PDCD11: variants seen among roughly 807,000 people sequenced by gnomAD.
The protein encoded by PDCD11 is protein RRP5 homolog.
A neutral mutation model predicts 198.9 loss-of-function variants in PDCD11; 97 were observed. That is an observed-to-expected ratio of 0.49 (90% CI 0.41 to 0.58). The LOEUF (loss-of-function observed/expected upper bound fraction) is 0.58. Ranked by LOEUF, PDCD11 falls within the 20% of genes least tolerant of loss-of-function variation. The pLI, the probability that PDCD11 is intolerant of heterozygous loss-of-function variation, is 0.00. For missense variants in PDCD11, 2,102 were observed against 2,312.7 expected (o/e 0.91, Z 1.87); for synonymous variants, 893 against 918.0 (o/e 0.97, Z 0.49).
intron 25 of PDCD11, among the ~76,000 whole-genome samples, chr10:103,437,489 A>G (rs774136035): frequency 1.3e-5 from 2 of 151,230 alleles, no homozygotes; most frequent in African/African-American, 2.4e-5. Context: ...TTATTTATTT[A>G]TTTATTTATT....
At chr10:103,404,740 G>A (rs61871164) in intron 4 of PDCD11, among the ~76,000 whole-genome samples, 2 of 152,226 alleles carry the variant, frequency 1.3e-5, no homozygotes, top group African/African-American at 4.8e-5. Context: ...GTGAGCCGAA[G>A]AATGAGTAAG....
chr10:103,415,654 A>G (rs1047610257), intron 12 of PDCD11, among the ~76,000 whole-genome samples: 1 of 152,254 alleles, frequency 6.6e-6, no homozygotes, highest in Non-Finnish European at 1.5e-5. Flanking sequence ...CCAGAGTCAC[A>G]CAGCTAATAC....
intron 20 of PDCD11, 70 bp downstream of exon 20, chr10:103,425,595 G>A (rs941450942): frequency 1.2e-5 from 17 of 1,405,480 alleles, no homozygotes; most frequent in Middle Eastern, 3.9e-4. Context: ...TGGGAAAGTA[G>A]GTGGGCTCCA....
chr10:103,437,889 C>A, intron 25 of PDCD11, 126 bp from the exon 26 acceptor site: 2 of 726,718 alleles, frequency 2.8e-6, no homozygotes, highest in Non-Finnish European at 4.8e-6. Context: ...AATGAAGAAA[C>A]ATGACCAGAG....
intron 8 of PDCD11, among the ~76,000 whole-genome samples, chr10:103,411,620 G>C (rs568933591): frequency 4.5e-4 from 69 of 152,202 alleles, no homozygotes; most frequent in African/African-American, 1.6e-3. Context: ...TCCTGCCTAG[G>C]CCTCCTAAAG....
At chr10:103,435,561 G>T (rs2032116799) in intron 25 of PDCD11, among the ~76,000 whole-genome samples, 1 of 151,914 alleles carries the variant, frequency 6.6e-6, no homozygotes, top group Non-Finnish European at 1.5e-5. Flanking sequence ...CAGTGCGTAG[G>T]CTGGAGTGCA....
At chr10:103,409,166 G>A (rs926026951) in intron 7 of PDCD11, among the ~76,000 whole-genome samples, 1 of 152,056 alleles carries the variant, frequency 6.6e-6, no homozygotes, top group African/African-American at 2.4e-5. Context: ...AGTATTTTCC[G>A]GGAAGGTAAG....
intron 8 of PDCD11, among the ~76,000 whole-genome samples, chr10:103,410,542 G>A (rs1446592644): frequency 6.6e-6 from 1 of 150,866 alleles, no homozygotes; most frequent in African/African-American, 2.4e-5. Flanking sequence ...TAAAATACTG[G>A]AATATTAGGC....
rs779446159 is a variant in PDCD11 at position 103,403,089 on chromosome 10, T to C, written c.235-29T>C. 69 of 1,607,154 alleles carry C rather than the reference T, an allele frequency of 4.3e-5. 1 individual carries two copies. In the South Asian group the frequency reaches 6.2e-4, roughly 14 times the overall value. ...TTCCCTATTGTTGTTCCCATCCTTA[T>C]TGTACACATTTCACTTTTTCTCTTC... On this transcript the variant is annotated intron_variant, in intron 3 of 35. Coordinates refer to ENST00000369797, the MANE Select transcript of PDCD11 (RefSeq NM_014976.2).
At position 103,414,059 on chromosome 10, in the gene PDCD11, A is replaced by G; in HGVS notation, c.1279A>G (p.Met427Val). The G allele has an allele frequency of 6.2e-7, 1 of 1,613,452 alleles. No individual in the cohort carries two copies. The highest frequency in any genetic ancestry group is 8.5e-7 in the Non-Finnish European group (1 of 1,179,822). Residue 427 changes from methionine to valine, a missense_variant, in exon 10 of 36, where the codon ATG becomes GTG. By Grantham distance (21) the Met-to-Val change is conservative. Coordinates refer to ENST00000369797, the MANE Select transcript of PDCD11 (RefSeq NM_014976.2). ...GTGTAGAATTATTGACTACAGCCAA[A>G]TGGATGAACTGGCCTTGCTCTCTCT... Reference protein sequence around the residue: ...HKCRIIDYSQMDELALLSLRT... With the variant: ...HKCRIIDYSQVDELALLSLRT...
At chr10:103,399,079 C>T (rs1166522741) in intron 2 of PDCD11, among the ~76,000 whole-genome samples, 1 of 150,568 alleles carries the variant, frequency 6.6e-6, no homozygotes, top group Non-Finnish European at 1.5e-5. Context: ...TGCCATGTGC[C>T]ATGTTGATTA....
At position 103,440,832 on chromosome 10, in the gene PDCD11, G is replaced by A; in HGVS notation, c.4539G>A (p.Glu1513=). The change falls in exon 30 of 36, where the codon GAG becomes GAA. Residue 1513 remains glutamate, a synonymous_variant. Coordinates refer to ENST00000369797, the MANE Select transcript of PDCD11 (RefSeq NM_014976.2). The stretch of plus-strand genomic sequence containing the variant: ...GGGAGGGAAAAGAGGAGGCAGAAGA[G>A]ACGAATGTGCTGCCCAAGGTGAGGG... ...YYREGKEEAE[E]TNVLPKEKQT... 1 of 1,612,148 alleles carries A rather than the reference G, an allele frequency of 6.2e-7. No homozygotes were observed. Among genetic ancestry groups the A allele is most frequent in the Non-Finnish European group, 8.5e-7 (1 of 1,178,848 alleles).
chr10:103,434,993 C>G lies in PDCD11; in HGVS notation c.3845+18C>G. 1 of 1,461,888 alleles carries G rather than the reference C, an allele frequency of 6.8e-7. No homozygotes were observed. Among genetic ancestry groups the G allele is most frequent in the Admixed American group, 2.3e-5 (1 of 42,738 alleles). The allele number at this position is 1,461,888 out of a possible 1,614,324, so 90.6% of individuals were successfully genotyped here. On this transcript the variant is annotated intron_variant, in intron 25 of 35. Coordinates refer to ENST00000369797, the MANE Select transcript of PDCD11 (RefSeq NM_014976.2). Reference sequence around the variant, plus strand: ...GTTGTCAGGTAAGCGAAGTGTTCTTCCTCTTTTCACCTGTCTGTGGAATTG... The same window carrying G: ...GTTGTCAGGTAAGCGAAGTGTTCTTGCTCTTTTCACCTGTCTGTGGAATTG...
Position 103,439,766 on chromosome 10 carries a change from G to A in PDCD11, c.4046G>A (p.Gly1349Asp). The change falls in exon 28 of 36, where the codon GGT (glycine) becomes GAT (aspartate). Residue 1349 changes from glycine to aspartate, a missense_variant. Transcript: ENST00000369797. Reference protein sequence around the residue: ...VFFRLGPSVVGLARYSHVSQH... With the variant: ...VFFRLGPSVVDLARYSHVSQH... ...TTCAGCCTTGGCCCCTCCGTTGTGG[G>A]TTTGGCTCGGTACTCCCATGTCTCC... The A allele has an allele frequency of 6.2e-7, 1 of 1,614,096 alleles. No individual in the cohort carries two copies. The highest frequency in any genetic ancestry group is 8.5e-7 in the Non-Finnish European group (1 of 1,180,028).
At chr10:103,413,375 G>A (rs2030921604) in intron 9 of PDCD11, 53 bp downstream of exon 9, 1 of 1,428,818 alleles carries the variant, frequency 7.0e-7, no homozygotes, top group East Asian at 2.3e-5. Flanking sequence ...AGGACTTCTG[G>A]AGCACAGGGG....
At chr10:103,404,426 G>A (rs779959422) in intron 4 of PDCD11, among the ~76,000 whole-genome samples, 16 of 151,984 alleles carry the variant, frequency 1.1e-4, no homozygotes, top group Non-Finnish European at 1.8e-4. Flanking sequence ...AGCCTCCTGA[G>A]TAGCTGGGAT....
At chr10:103,432,045 C>T (rs1302385880) in intron 21 of PDCD11, 84 bp from the exon 22 acceptor site, 9 of 1,007,166 alleles carry the variant, frequency 8.9e-6, no homozygotes, top group Admixed American at 8.5e-5. Flanking sequence ...ACAGTCAATC[C>T]GTGGCCACTT....
intron 27 of PDCD11, 25 bp from the exon 28 acceptor site, chr10:103,439,721 A>G: frequency 6.2e-7 from 1 of 1,614,132 alleles, no homozygotes. Context: ...TTGTGACCAC[A>G]GGACTCTTGC....
Position 103,445,544 on chromosome 10 carries a change from G to C in PDCD11, c.5611G>C (p.Asp1871His), listed in dbSNP as rs1220595334. Residue 1871 changes from aspartate (D) to histidine (H), a missense_variant, in exon 36 of 36, where the codon GAC (aspartate) becomes CAC (histidine). Transcript: ENST00000369797. Reference protein sequence around the residue: ...YVEAKSSVLED With the variant: ...YVEAKSSVLEH ...GGAGGCCAAGAGCTCAGTGCTAGAG[G>C]ACTAGTGGCAGGCTGGCTCTGTGGG... The C allele has an allele frequency of 1.9e-6, 3 of 1,613,264 alleles. No homozygotes were observed. In the South Asian group the frequency reaches 3.3e-5, roughly 18 times the overall value.
Sources: allele counts gnomAD v4.1 joint callset (sites outside exome capture counted in the v4.1 genomes callset), GRCh38; gene constraint gnomAD v4.1.1; transcripts MANE v1.5; gene names NCBI Gene and HGNC (gene_info 2026-07-23, HGNC 2026-07-21).